The following ELK3 variants were observed in gnomAD, a reference collection of about 807,000 sequenced individuals.
The protein encoded by ELK3 is ETS domain-containing protein Elk-3.
Under a neutral mutation model 28.9 loss-of-function variants are expected in ELK3, and 10 were observed. The observed-to-expected ratio is 0.35, with a 90% CI of 0.21 to 0.59. The LOEUF (loss-of-function observed/expected upper bound fraction) is 0.59. ELK3 is among the 20% of genes least tolerant of loss of function. The pLI is 0.82. For synonymous variants in ELK3, 272 were observed against 243.5 expected, an observed-to-expected ratio of 1.12 and a Z score of -1.09; for missense variants, 463 against 517.3, an observed-to-expected ratio of 0.90 and a Z score of 1.02.
At chr12:96,206,971 T>A (rs1951541876) in intron 1 of ELK3, among the ~76,000 whole-genome samples, 1 of 152,236 alleles carries the variant, frequency 6.6e-6, no homozygotes. Flanking sequence ...ATGGTTAATT[T>A]AAAAATCTAT....
Position 96,269,348 on chromosome 12 carries a change from T to G in ELK3, c.*2168T>G, listed in dbSNP as rs1428536003. ...AAATCTCAACCAAAACTACTATTTT[T>G]AGTATACTTGTTTACGTAAATGCTG... On this transcript the variant is annotated 3_prime_UTR_variant, in exon 5 of 5. Coordinates refer to ENST00000228741, the MANE Select transcript of ELK3 (RefSeq NM_005230.4). 1 of 152,250 alleles carries G rather than the reference T, an allele frequency of 6.6e-6. No individual in the cohort carries two copies. The highest frequency in any genetic ancestry group is 1.5e-5 in the Non-Finnish European group (1 of 68,046). 9.4% of individuals were successfully genotyped at this position (152,250 alleles called of 1,614,324 possible). A position where few individuals can be genotyped will look rare whatever the true frequency, so the allele number is the denominator to read the frequency against.
At chr12:96,201,005 A>G (rs1282570707) in intron 1 of ELK3, among the ~76,000 whole-genome samples, 1 of 152,144 alleles carries the variant, frequency 6.6e-6, no homozygotes, top group Admixed American at 6.5e-5. Context: ...GGGTCTCATT[A>G]TCCCTGGCCA....
At chr12:96,219,100 C>T (rs1342483881) in intron 1 of ELK3, among the ~76,000 whole-genome samples, 2 of 152,130 alleles carry the variant, frequency 1.3e-5, no homozygotes, top group Admixed American at 6.5e-5. Context: ...AGCAGGCCTC[C>T]ATGTGCATAA....
At chr12:96,200,620 C>T (rs1255357571) in intron 1 of ELK3, among the ~76,000 whole-genome samples, 3 of 151,876 alleles carry the variant, frequency 2.0e-5, no homozygotes, top group South Asian at 2.1e-4. Flanking sequence ...GCCTCAGTCT[C>T]CCAAGCAGAT....
intron 1 of ELK3, among the ~76,000 whole-genome samples, chr12:96,207,483 G>A (rs745580524): frequency 6.6e-6 from 1 of 152,188 alleles, no homozygotes; most frequent in South Asian, 2.1e-4. Context: ...CTTCCAAAGC[G>A]AATGTATTAC....
intron 2 of ELK3, among the ~76,000 whole-genome samples, chr12:96,227,731 G>A (rs1012640889): frequency 2.0e-5 from 3 of 152,216 alleles, no homozygotes; most frequent in African/African-American, 7.2e-5. Flanking sequence ...TAATAACGAG[G>A]TAGTTACAGA....
chr12:96,230,017 A>G (rs1446122374), intron 2 of ELK3, among the ~76,000 whole-genome samples: 3 of 152,160 alleles, frequency 2.0e-5, no homozygotes, highest in African/African-American at 7.2e-5. Context: ...ACACCTCCAT[A>G]TACAGTCATG....
chr12:96,198,750 G>A (rs1951489251), intron 1 of ELK3, among the ~76,000 whole-genome samples: 1 of 152,098 alleles, frequency 6.6e-6, no homozygotes, highest in Admixed American at 6.5e-5. Context: ...CTTTTGATGT[G>A]TAATTGTTCA....
chr12:96,258,586 G>A (rs1199239077), intron 3 of ELK3, among the ~76,000 whole-genome samples: 1 of 152,172 alleles, frequency 6.6e-6, no homozygotes, highest in Non-Finnish European at 1.5e-5. Context: ...GCACCTTATT[G>A]ACATCACAAA....
chr12:96,247,877 A>AG lies in ELK3; in HGVS notation c.1002+144dup, dbSNP rs1245374794. Reference sequence around the variant, plus strand: ...AGGTCACTGTGTAAATGTGAAGGGAAGCTGCTTTTCCATCCTCAGACCAAG... The same window carrying AG: ...AGGTCACTGTGTAAATGTGAAGGGAAGGCTGCTTTTCCATCCTCAGACCAAG... On this transcript the variant is annotated intron_variant, in intron 3 of 4. Coordinates refer to ENST00000228741, the MANE Select transcript of ELK3 (RefSeq NM_005230.4). This position sits in a 1 kb window ranked among gnomAD's most constrained non-coding sequence, Gnocchi z 5.5. 8.9e-7 allele frequency: 1 copy of AG among 1,123,188 alleles called. No individual in the cohort carries two copies. The highest frequency in any genetic ancestry group is 2.7e-5 in the East Asian group (1 of 37,716). The allele number at this position is 1,123,188 out of a possible 1,614,324, so 69.6% of individuals were successfully genotyped here.
At chr12:96,221,032 C>G (rs964047641) in intron 1 of ELK3, among the ~76,000 whole-genome samples, 1 of 152,162 alleles carries the variant, frequency 6.6e-6, no homozygotes, top group Non-Finnish European at 1.5e-5. Context: ...CTCCAAGACC[C>G]CAACTCGGCA....
In ELK3 at chr12:96,267,116, C is replaced by A; in HGVS notation, c.1160C>A (p.Pro387Gln). The A allele has an allele frequency of 6.2e-7, 1 of 1,613,652 alleles. No individual in the cohort carries two copies. Among genetic ancestry groups the A allele is most frequent in the Non-Finnish European group, 8.5e-7 (1 of 1,179,804 alleles). ...PTLLNGHMPV[P>Q]IPSLDRAASP... is the part of the protein sequence containing the mutation. ...CTGCTTAATGGCCACATGCCAGTGC[C>A]AATCCCCAGTCTGGACAGAGCTGCT... The change falls in exon 5 of 5, where the codon CCA becomes CAA. Residue 387 changes from proline to glutamine, a missense_variant. Pro to Gln is a moderately conservative substitution (Grantham distance 76). This residue lies in a region of ELK3 where 408 missense variants were observed against 414.8 expected (regional missense o/e 0.98). Coordinates refer to ENST00000228741, the MANE Select transcript of ELK3 (RefSeq NM_005230.4).
chr12:96,213,966 C>T (rs570259988), intron 1 of ELK3: 5 of 146,230 alleles, frequency 3.4e-5, no homozygotes, highest in Admixed American at 2.0e-4. Context: ...ACAAACTGTC[C>T]TCCCTCCTCG....
At chr12:96,248,758 C>G (rs998107553) in intron 3 of ELK3, among the ~76,000 whole-genome samples, 2 of 152,192 alleles carry the variant, frequency 1.3e-5, no homozygotes, top group Non-Finnish European at 2.9e-5. Context: ...ATATGACGGG[C>G]TCCCCACGTG....
rs549922247 is a variant in ELK3 at position 96,269,515 on chromosome 12, CAG to C, written c.*2339_*2340del. 39 of 152,284 alleles carry C rather than the reference CAG, an allele frequency of 2.6e-4. No individual in the cohort carries two copies. The highest frequency in any genetic ancestry group is 1.9e-3 in the East Asian group (10 of 5,186). 9.4% of individuals were successfully genotyped at this position (152,284 alleles called of 1,614,324 possible). A position where few individuals can be genotyped will look rare whatever the true frequency, so the allele number is the denominator to read the frequency against. On this transcript the variant is annotated 3_prime_UTR_variant, in exon 5 of 5. Coordinates refer to ENST00000228741, the MANE Select transcript of ELK3 (RefSeq NM_005230.4). ...GATGAAAATACTCCTGTAACACAAACAGAGAACTGGAGGAACTGAAGAATAAC... is the reference window on the plus strand; with the variant it reads ...GATGAAAATACTCCTGTAACACAAACAGAACTGGAGGAACTGAAGAATAAC...
intron 1 of ELK3, among the ~76,000 whole-genome samples, chr12:96,203,291 G>A (rs998714608): frequency 8.5e-5 from 13 of 152,182 alleles, no homozygotes; most frequent in African/African-American, 3.1e-4. Context: ...TGATAGCATG[G>A]CATCCCTCAT....
At chr12:96,208,304 G>A (rs1337359573) in intron 1 of ELK3, among the ~76,000 whole-genome samples, 4 of 152,150 alleles carry the variant, frequency 2.6e-5, no homozygotes, top group South Asian at 2.1e-4. Flanking sequence ...CACCCACCCC[G>A]GCCTCCCAAA....
intron 1 of ELK3, among the ~76,000 whole-genome samples, chr12:96,213,240 T>C (rs1951588971): frequency 6.6e-6 from 1 of 152,176 alleles, no homozygotes; most frequent in African/African-American, 2.4e-5. Flanking sequence ...TACAGAGAAA[T>C]AGGGTGTGCT....
At chr12:96,197,040 A>C (rs1302169410) in intron 1 of ELK3, among the ~76,000 whole-genome samples, 1 of 152,152 alleles carries the variant, frequency 6.6e-6, no homozygotes, top group Non-Finnish European at 1.5e-5. Context: ...AGGCTAACAA[A>C]ACTTATAATA....
Sources: gnomAD v4.1 joint callset for allele counts (sites outside exome capture counted in the v4.1 genomes callset) on GRCh38, gnomAD v4.1.1 for gene constraint, gnomAD v4.1.1 regional missense constraint, Gnocchi (gnomAD v3.1) non-coding constraint, MANE v1.5 for transcripts, NCBI Gene and HGNC (gene_info 2026-07-23, HGNC 2026-07-21) for gene names.